Variants in PRKDC observed in about 807,000 individuals in gnomAD.
PRKDC encodes the protein DNA-dependent protein kinase catalytic subunit.
A neutral mutation model predicts 486.9 loss-of-function variants in PRKDC; 82 were observed. That is an observed-to-expected ratio of 0.17 (90% CI 0.14 to 0.20). The LOEUF (loss-of-function observed/expected upper bound fraction) is 0.20. PRKDC is among the 10% of genes least tolerant of loss of function. The pLI is 1.00. For missense variants in PRKDC, 4,504 were observed against 5,038.2 expected, an observed-to-expected ratio of 0.89 and a Z score of 3.21; for synonymous variants, 1,895 against 1,837.0, an observed-to-expected ratio of 1.03 and a Z score of -0.81.
At position 47,893,402 on chromosome 8, in the gene PRKDC, A is replaced by G; in HGVS notation, c.3599-15T>C. ...GGATCTGTTGCCTTTAAAAAGAAAC[A>G]AAATTAAAATGCACACATATACCTA... is the stretch of plus-strand genomic sequence containing the variant. On this transcript the variant is annotated splice_polypyrimidine_tract_variant and intron_variant, in intron 30 of 85. Transcript: ENST00000314191. The G allele has an allele frequency of 6.7e-7, 1 of 1,485,446 alleles. No individual in the cohort carries two copies. The allele number at this position is 1,485,446 out of a possible 1,614,324, so 92.0% of individuals were successfully genotyped here. A position where few individuals can be genotyped will look rare whatever the true frequency, so the allele number is the denominator to read the frequency against.
rs372701188 is a variant in PRKDC, at chr8:47,933,050, T to C, written c.1746A>G (p.Thr582=). ...GTTCCCCAACAGTCTGTATTTCAAG[T>C]GTAAGATCCAATTTCTCAACAATCT... ...VLKIVEKLDL[T]LEIQTVGEQE... Residue 582 remains threonine (T), a synonymous_variant, in exon 16 of 86, where the codon ACA becomes ACG. Coordinates refer to ENST00000314191, the MANE Select transcript of PRKDC (RefSeq NM_006904.7). 6.3e-7 allele frequency: 1 copy of C among 1,598,826 alleles called. No homozygotes were observed. The highest frequency in any genetic ancestry group is 8.5e-7 in the Non-Finnish European group (1 of 1,174,550).
intron 40 of PRKDC, among the ~76,000 whole-genome samples, chr8:47,866,610 A>T (rs1176517469): frequency 6.6e-6 from 1 of 152,232 alleles, no homozygotes; most frequent in Non-Finnish European, 1.5e-5. Flanking sequence ...CTTTACTCAT[A>T]ATAAAAGAAA....
At chr8:47,888,047 T>G (rs1563786621) in intron 34 of PRKDC, among the ~76,000 whole-genome samples, 1 of 152,072 alleles carries the variant, frequency 6.6e-6, no homozygotes, top group African/African-American at 2.4e-5. Flanking sequence ...TGTTGTTGTT[T>G]TTTAATTGTT....
chr8:47,923,765 G>C (rs897029899), intron 21 of PRKDC, among the ~76,000 whole-genome samples: 8 of 152,224 alleles, frequency 5.3e-5, no homozygotes, highest in African/African-American at 1.9e-4. Context: ...TCAGCAAGGA[G>C]ACAGGAACCT....
At position 47,952,492 on chromosome 8, in the gene PRKDC, C is replaced by T. The variant is rs1180286813; in HGVS notation, c.721+1128G>A. 2.0e-5 allele frequency among the ~76,000 whole-genome samples: 3 copies of T among 152,276 alleles called. No individual in the cohort carries two copies. In the East Asian group the frequency reaches 5.8e-4, roughly 29 times the overall value. ...ATTAACTATGGCTCTAAGTCAGTAG[C>T]ACATTGGGACCCTTGTGCTAATCAA... On this transcript the variant is annotated intron_variant, in intron 7 of 85. Transcript: ENST00000314191.
intron 26 of PRKDC, among the ~76,000 whole-genome samples, chr8:47,904,576 T>C (rs1332221167): frequency 2.6e-5 from 4 of 152,192 alleles, no homozygotes; most frequent in African/African-American, 4.8e-5. Flanking sequence ...GGCGGATCAC[T>C]TGAGGTCAGG....
At chr8:47,800,344 A>C (rs372145914) in intron 71 of PRKDC, among the ~76,000 whole-genome samples, 3 of 152,084 alleles carry the variant, frequency 2.0e-5, no homozygotes, top group Non-Finnish European at 1.5e-5. Context: ...CATTCTCAGT[A>C]AACTATCGCA....
At position 47,777,808 on chromosome 8, in the gene PRKDC, T is replaced by C. The variant is rs368108772; in HGVS notation, c.11920A>G (p.Met3974Val). ...TRQFINLMLPMKETGLMYSIM... is the reference protein window; with the variant it reads ...TRQFINLMLPVKETGLMYSIM... ...CTGTACATAAGGCCCGTTTCTTTCATTGGTAACATCAGATTGATAAACTGG... is the reference window on the plus strand; with the variant it reads ...CTGTACATAAGGCCCGTTTCTTTCACTGGTAACATCAGATTGATAAACTGG... The change falls in exon 84 of 86, where the codon ATG (methionine) becomes GTG (valine). Residue 3974 changes from methionine to valine, a missense_variant. Physicochemically the swap from Met to Val is conservative, Grantham distance 21 (BLOSUM62 1). This residue lies in a region of PRKDC where 706 missense variants were observed against 945.0 expected (regional missense o/e 0.75). Coordinates refer to ENST00000314191, the MANE Select transcript of PRKDC (RefSeq NM_006904.7). 3.7e-5 allele frequency: 60 copies of C among 1,613,996 alleles called. No individual in the cohort carries two copies. The Admixed American group carries it at 4.7e-4, about 13-fold the overall frequency.
rs201726098 is a variant in PRKDC at position 47,836,502 on chromosome 8, C to A, written c.7787G>T (p.Arg2596Leu). 8 of 1,605,004 alleles carry A rather than the reference C, an allele frequency of 5.0e-6. No individual in the cohort carries two copies. Among genetic ancestry groups the A allele is most frequent in the Non-Finnish European group, 6.8e-6 (8 of 1,175,578 alleles). The change falls in exon 58 of 86, where the codon CGT (arginine) becomes CTT (leucine). Residue 2596 changes from arginine to leucine, a missense_variant. By Grantham distance (102) the Arg-to-Leu change is moderately radical (BLOSUM62 -2). This residue lies in a region of PRKDC where 1,592 missense variants were observed against 1,724.6 expected (regional missense o/e 0.92). Coordinates refer to ENST00000314191, the MANE Select transcript of PRKDC (RefSeq NM_006904.7). ...CGGAGTGAGAACAGTACTTCGGAAA[C>A]GCCAATCAGAATCAATGGTATATTC... is the stretch of plus-strand genomic sequence containing the variant. Reference protein sequence around the residue: ...FQEYTIDSDWRFRSTVLTPMF... With the variant: ...FQEYTIDSDWLFRSTVLTPMF...
intron 21 of PRKDC, among the ~76,000 whole-genome samples, chr8:47,919,997 A>G (rs1192281964): frequency 1.3e-5 from 2 of 152,200 alleles, no homozygotes; most frequent in Non-Finnish European, 2.9e-5. Context: ...AACCACAAAC[A>G]ATAGCATGAG....
intron 70 of PRKDC, among the ~76,000 whole-genome samples, chr8:47,803,008 C>T (rs955495120): frequency 6.6e-6 from 1 of 152,160 alleles, no homozygotes; most frequent in East Asian, 1.9e-4. Context: ...AGGATGTTCT[C>T]GATCTCCTGA....
chr8:47,939,219 TG>T (rs2090399533), intron 11 of PRKDC, among the ~76,000 whole-genome samples: 1 of 152,180 alleles, frequency 6.6e-6, no homozygotes, highest in Non-Finnish European at 1.5e-5. Context: ...ACTAATACAG[TG>T]ACCCTCAGTA....
At chr8:47,929,016 T>C (rs1377434752) in intron 19 of PRKDC, 76 bp downstream of exon 19, 1 of 1,132,528 alleles carries the variant, frequency 8.8e-7, no homozygotes. Flanking sequence ...TTATTTATGA[T>C]CACTAGGATT....
At chr8:47,923,157 G>C (rs754394216) in intron 21 of PRKDC, among the ~76,000 whole-genome samples, 1 of 151,276 alleles carries the variant, frequency 6.6e-6, no homozygotes, top group African/African-American at 2.4e-5. Context: ...TCTGCCTCCC[G>C]GGTTCAAGTG....
chr8:47,822,090 C>A (rs1223545684), intron 64 of PRKDC, among the ~76,000 whole-genome samples: 1 of 152,096 alleles, frequency 6.6e-6, no homozygotes, highest in Non-Finnish European at 1.5e-5. Context: ...TGAGACTAGC[C>A]TAGGCAACAT....
intron 58 of PRKDC, 103 bp from the exon 59 acceptor site, chr8:47,834,499 G>T (rs970319841): frequency 1.6e-6 from 2 of 1,225,078 alleles, no homozygotes; most frequent in Non-Finnish European, 2.3e-6. Context: ...CTAGGCCTCC[G>T]TGCTCAACTC....
At chr8:47,886,337 G>C (rs1347600220) in intron 35 of PRKDC, among the ~76,000 whole-genome samples, 190 bp from the exon 36 acceptor site, 2 of 152,252 alleles carry the variant, frequency 1.3e-5, no homozygotes, top group East Asian at 3.9e-4. Flanking sequence ...GTTTCATTTT[G>C]GGAAAGAAAT....
intron 68 of PRKDC, among the ~76,000 whole-genome samples, chr8:47,815,008 A>G (rs2087413685): frequency 6.6e-6 from 1 of 152,116 alleles, no homozygotes; most frequent in African/African-American, 2.4e-5. Context: ...ACAAAAAAAG[A>G]CAAAAAAATT....
At chr8:47,936,289 C>T (rs2090350430) in intron 12 of PRKDC, 64 bp downstream of exon 12, 1 of 1,508,694 alleles carries the variant, frequency 6.6e-7, no homozygotes, top group Non-Finnish European at 8.9e-7. Context: ...TGTATGACTC[C>T]ATCAAATTAT....
Sources: gnomAD v4.1 joint callset for allele counts (sites outside exome capture counted in the v4.1 genomes callset) on GRCh38, gnomAD v4.1.1 for gene constraint, gnomAD v4.1.1 regional missense constraint, MANE v1.5 for transcripts, NCBI Gene and HGNC (gene_info 2026-07-23, HGNC 2026-07-21) for gene names.